The following COL17A1 variants were observed in gnomAD, a reference collection of about 807,000 sequenced individuals.
COL17A1 encodes collagen alpha-1(XVII) chain.
COL17A1 carries 181 observed loss-of-function variants against 218.4 expected under a neutral mutation model. That is an observed-to-expected ratio of 0.83 (90% CI 0.73 to 0.94). The LOEUF (loss-of-function observed/expected upper bound fraction) is 0.94. Among genes scored for constraint, COL17A1 ranks in the 40% least tolerant of loss-of-function variants. COL17A1 has a pLI of 0.00. For missense variants in COL17A1, 1,924 were observed against 1,945.9 expected, an observed-to-expected ratio of 0.99 and a Z score of 0.21; for synonymous variants, 721 against 731.0, an observed-to-expected ratio of 0.99 and a Z score of 0.22.
At position 104,054,125 on chromosome 10, in the gene COL17A1, G is replaced by A. The variant is rs779495982; in HGVS notation, c.1745-7C>T. On this transcript the variant is annotated splice_polypyrimidine_tract_variant and splice_region_variant and intron_variant, in intron 20 of 55. Transcript: ENST00000648076. Reference sequence around the variant, plus strand: ...CCAGGGAACCCTCGATCTCCTGCAGGAACAAAGGCAAAAGAGAGAGTGGTC... The same window carrying A: ...CCAGGGAACCCTCGATCTCCTGCAGAAACAAAGGCAAAAGAGAGAGTGGTC... The A allele has an allele frequency of 9.3e-6, 15 of 1,605,856 alleles. No homozygotes were observed. The East Asian group carries it at 1.8e-4, about 19-fold the overall frequency.
chr10:104,073,041 T>C (rs1048200067), intron 7 of COL17A1, among the ~76,000 whole-genome samples, 169 bp downstream of exon 7: 4 of 152,160 alleles, frequency 2.6e-5, no homozygotes, highest in African/African-American at 9.7e-5. Context: ...CCCCTCCCGA[T>C]AGAGCCGGTG....
At chr10:104,054,321 G>A (rs563615451) in intron 20 of COL17A1, among the ~76,000 whole-genome samples, 30 of 152,330 alleles carry the variant, frequency 2.0e-4, no homozygotes, top group African/African-American at 7.0e-4. Flanking sequence ...AAGTTATAGT[G>A]AAAAATTATT....
intron 6 of COL17A1, 93 bp downstream of exon 6, chr10:104,074,091 A>G: frequency 1.3e-6 from 2 of 1,593,602 alleles, no homozygotes; most frequent in Non-Finnish European, 8.6e-7. Flanking sequence ...CATTTAACTC[A>G]TGAGGTCCCC....
At chr10:104,070,318 T>A in intron 9 of COL17A1, 108 bp downstream of exon 9, 1 of 1,560,160 alleles carries the variant, frequency 6.4e-7, no homozygotes, top group Non-Finnish European at 8.7e-7. Flanking sequence ...TGGGCCCCAA[T>A]TTCAAGTCTC....
chr10:104,084,181 T>A (rs2086788168), intron 1 of COL17A1, among the ~76,000 whole-genome samples: 1 of 152,222 alleles, frequency 6.6e-6, no homozygotes, highest in Non-Finnish European at 1.5e-5. Flanking sequence ...TACAGTTGTG[T>A]CCTGCCACTG....
At chr10:104,036,440 T>G in intron 48 of COL17A1, 52 bp downstream of exon 48, 1 of 1,612,136 alleles carries the variant, frequency 6.2e-7, no homozygotes, top group Non-Finnish European at 8.5e-7. Flanking sequence ...CTGCGAGTCC[T>G]CATCCCAGTC....
At chr10:104,046,857 G>A in intron 31 of COL17A1, 84 bp from the exon 32 acceptor site, 3 of 1,299,942 alleles carry the variant, frequency 2.3e-6, no homozygotes, top group Non-Finnish European at 3.3e-6. Context: ...AGAAACCGGT[G>A]GACACTGCAG....
chr10:104,035,887 A>AGTGTGTGTATGGGAGTGT (rs59454931), intron 48 of COL17A1, among the ~76,000 whole-genome samples: 2 of 128,184 alleles, frequency 1.6e-5, no homozygotes, highest in Non-Finnish European at 3.2e-5. Context: ...TGAGTACTGG[A>AGTGTGTGTATGGGAGTGT]GTGTATGGGA....
chr10:104,073,367 G>C, intron 6 of COL17A1, 122 bp from the exon 7 acceptor site: 1 of 839,808 alleles, frequency 1.2e-6, no homozygotes, highest in East Asian at 2.5e-5. Context: ...ATCCAGATAG[G>C]GGCTTTTCTG....
At chr10:104,067,130 G>A (rs759004877) in intron 9 of COL17A1, among the ~76,000 whole-genome samples, 2 of 152,056 alleles carry the variant, frequency 1.3e-5, no homozygotes, top group Admixed American at 1.3e-4. Context: ...AAGGAGTCCC[G>A]CCAGCTGAGC....
intron 16 of COL17A1, 116 bp downstream of exon 16, chr10:104,058,030 A>T: frequency 6.8e-7 from 1 of 1,462,434 alleles, no homozygotes; most frequent in Non-Finnish European, 9.4e-7. Flanking sequence ...AACTCTTTAG[A>T]GTCTGGTGGC....
In COL17A1 at chr10:104,056,955, C is replaced by CAGAGCAA. The variant is rs2086534546; in HGVS notation, c.1465+19_1465+20insTTGCTCT. The CAGAGCAA allele has an allele frequency of 6.4e-7, 1 of 1,557,304 alleles. No homozygotes were observed. The highest frequency in any genetic ancestry group is 1.2e-5 in the South Asian group (1 of 85,272). On this transcript the variant is annotated intron_variant, in intron 17 of 55. Transcript: ENST00000648076. ...CCTGCCTCCTACCACACAGGCTGCCCTGCTGCCTTTGCCACGTACCCAGAG... is the reference window on the plus strand; with the variant it reads ...CCTGCCTCCTACCACACAGGCTGCCCAGAGCAATGCTGCCTTTGCCACGTACCCAGAG...
intron 5 of COL17A1, among the ~76,000 whole-genome samples, chr10:104,075,317 G>C (rs920875330): frequency 7.9e-5 from 12 of 152,094 alleles, no homozygotes; most frequent in African/African-American, 2.9e-4. Flanking sequence ...CTGTGCTTCA[G>C]GATGAATTAG....
chr10:104,042,461 A>G lies in COL17A1; in HGVS notation c.2516-6T>C, dbSNP rs753266889. On this transcript the variant is annotated splice_region_variant and splice_polypyrimidine_tract_variant and intron_variant, in intron 35 of 55. Transcript: ENST00000648076. ...ACCAGCTGGGCCGGCAGGGCCTGGA[A>G]ACGGGGTTGAGGAAGAAAAGGCTAA... is the stretch of plus-strand genomic sequence containing the variant. 4 of 1,614,040 alleles carry G rather than the reference A, an allele frequency of 2.5e-6. No individual in the cohort carries two copies. In the African/African-American group the frequency reaches 5.3e-5, roughly 22 times the overall value.
intron 9 of COL17A1, among the ~76,000 whole-genome samples, chr10:104,066,733 C>T (rs2086629390): frequency 6.6e-6 from 1 of 152,192 alleles, no homozygotes; most frequent in Admixed American, 6.5e-5. Flanking sequence ...CATAAAGAAG[C>T]TAAACCCAAT....
At chr10:104,062,379 C>A (rs1478538112) in intron 11 of COL17A1, 50 bp from the exon 12 acceptor site, 2 of 1,613,762 alleles carry the variant, frequency 1.2e-6, no homozygotes, top group Non-Finnish European at 1.7e-6. Flanking sequence ...GGGGGATGCC[C>A]CCTGGCTTAG....
Position 104,070,690 on chromosome 10 carries a change from T to C in COL17A1, c.464-121A>G, listed in dbSNP as rs1427309982. On this transcript the variant is annotated intron_variant, in intron 8 of 55. Coordinates refer to ENST00000648076, the MANE Select transcript of COL17A1 (RefSeq NM_000494.4). The stretch of plus-strand genomic sequence containing the variant: ...GGGAGAATGGCATCTGCCTCACACA[T>C]TGGAACTTTTTGCTTGGCTTTATAA... 5 of 1,597,426 alleles carry C rather than the reference T, an allele frequency of 3.1e-6. No homozygotes were observed. In the African/African-American group the frequency reaches 5.4e-5, roughly 17 times the overall value.
At chr10:104,080,245 C>T (rs1570647) in intron 2 of COL17A1, among the ~76,000 whole-genome samples, 15,639 of 152,162 alleles carry the variant, frequency 0.1, 845 homozygotes, top group Middle Eastern at 0.18. Flanking sequence ...CAATTTTCAG[C>T]GTAGAGGTCA....
At chr10:104,036,169 T>A (rs1564671494) in intron 48 of COL17A1, among the ~76,000 whole-genome samples, 18 of 73,474 alleles carry the variant, frequency 2.4e-4, no homozygotes, top group Non-Finnish European at 3.1e-4. Flanking sequence ...TGAGTATGGG[T>A]GTGTGTGTAT....
Sources: gnomAD v4.1 joint callset for allele counts (sites outside exome capture counted in the v4.1 genomes callset) on GRCh38, gnomAD v4.1.1 for gene constraint, MANE v1.5 for transcripts, NCBI Gene and HGNC (gene_info 2026-07-23, HGNC 2026-07-21) for gene names.